Variants in HSPBP1 observed in about 807,000 individuals in gnomAD.
HSPBP1 encodes the protein HSPA (Hsp70) binding protein 1.
A neutral mutation model predicts 41.7 loss-of-function variants in HSPBP1; 31 were observed. The observed-to-expected ratio is 0.74, with a 90% CI of 0.56 to 1.00. The LOEUF (loss-of-function observed/expected upper bound fraction) is 1.00, where lower values mean the gene tolerates loss of function less well. Ranked by LOEUF, HSPBP1 falls within the 50% of genes least tolerant of loss-of-function variation. The pLI is 0.00. For synonymous variants in HSPBP1, 199 were observed against 214.4 expected (o/e 0.93, Z 0.63); for missense variants, 439 against 487.9 (o/e 0.90, Z 0.94).
chr19:55,273,567 G>A (rs764945663), intron 4 of HSPBP1, among the ~76,000 whole-genome samples: 1 of 152,100 alleles, frequency 6.6e-6, no homozygotes, highest in Non-Finnish European at 1.5e-5. Context: ...GTCAACACCT[G>A]GCATGGAGAA....
Position 55,262,483 on chromosome 19 carries a change from G to T in HSPBP1, c.*125C>A. On this transcript the variant is annotated 3_prime_UTR_variant, in exon 8 of 8. Transcript: ENST00000433386. ...CCCCTTCCAGGGACTGCACAGAGAC[G>T]GGCTGGCACACCCTGGGTCCAGGCA... The T allele has an allele frequency of 2.0e-6, 3 of 1,485,250 alleles. No individual in the cohort carries two copies. The highest frequency in any genetic ancestry group is 1.8e-6 in the Non-Finnish European group (2 of 1,114,376). 92.0% of individuals were successfully genotyped at this position (1,485,250 alleles called of 1,614,324 possible). A position where few individuals can be genotyped will look rare whatever the true frequency, so the allele number is the denominator to read the frequency against.
Position 55,265,911 on chromosome 19 carries a change from C to T in HSPBP1, c.868G>A (p.Glu290Lys), listed in dbSNP as rs1026636594. ...LVRTEHSPFH[E>K]HVLGALCSLV... ...CTGCACAGGGCTCCAAGCACGTGCT[C>T]GTGGAAGGGGCTGTGCTCTGTCCGC... Residue 290 changes from glutamate (E) to lysine (K), a missense_variant, in exon 6 of 8, where the codon GAG becomes AAG. Physicochemically the swap from Glu to Lys is moderately conservative, Grantham distance 56. Transcript: ENST00000433386. 8 of 1,607,798 alleles carry T rather than the reference C, an allele frequency of 5.0e-6. No individual in the cohort carries two copies. Among genetic ancestry groups the T allele is most frequent in the East Asian group, 2.2e-5 (1 of 44,714 alleles).
intron 3 of HSPBP1, 54 bp from the exon 4 acceptor site, chr19:55,274,676 C>G: frequency 6.9e-7 from 1 of 1,458,230 alleles, no homozygotes; most frequent in Non-Finnish European, 9.4e-7. Flanking sequence ...TGAACCGTGC[C>G]CCCCAAAATG....
In HSPBP1 at chr19:55,272,121, G is replaced by A. The variant is rs1004499794; in HGVS notation, c.640+2277C>T. ...TCGAACAGATTAAATGTAGAGTTAC[G>A]ATATGACCCAGCAACTCCACTGCTA... is the stretch of plus-strand genomic sequence containing the variant. On this transcript the variant is annotated intron_variant, in intron 4 of 7. Transcript: ENST00000433386. The surrounding 1 kb of genome is among the most constrained non-coding windows in gnomAD (Gnocchi z 4.2). Among the ~76,000 whole-genome samples the A allele has an allele frequency of 1.3e-5, 2 of 151,490 alleles. No individual in the cohort carries two copies. Among genetic ancestry groups the A allele is most frequent in the African/African-American group, 2.4e-5 (1 of 41,276 alleles).
chr19:55,266,359 C>A, intron 4 of HSPBP1, 73 bp from the exon 5 acceptor site: 3 of 1,458,426 alleles, frequency 2.1e-6, no homozygotes, highest in Middle Eastern at 4.1e-4. Flanking sequence ...CCATCACCAA[C>A]ATCATCACAA....
intron 4 of HSPBP1, among the ~76,000 whole-genome samples, chr19:55,274,141 T>C (rs919245152): frequency 1.3e-5 from 2 of 151,720 alleles, no homozygotes; most frequent in Non-Finnish European, 2.9e-5. Flanking sequence ...GAAAAACTGC[T>C]GTGTGCAAAG....
In HSPBP1 at chr19:55,265,406, A is replaced by G. The variant is rs1448155118; in HGVS notation, c.894-17T>C. ...GTCACCAGGCTGTGAGGGACATGAC[A>G]GCGGCCCTTAGGACCTCCCTCTAGA... On this transcript the variant is annotated splice_polypyrimidine_tract_variant and intron_variant, in intron 6 of 7. Transcript: ENST00000433386. The G allele has an allele frequency of 1.9e-6, 3 of 1,604,102 alleles. No homozygotes were observed. Among genetic ancestry groups the G allele is most frequent in the Admixed American group, 1.7e-5 (1 of 59,958 alleles).
At chr19:55,276,142 C>A (rs1328230127) in intron 3 of HSPBP1, among the ~76,000 whole-genome samples, 2 of 146,266 alleles carry the variant, frequency 1.4e-5, no homozygotes, top group East Asian at 2.1e-4. Flanking sequence ...AAAGCTCTGA[C>A]ACACGCCACA....
In HSPBP1 at chr19:55,272,262, C is replaced by T. The variant is rs924430044; in HGVS notation, c.640+2136G>A. 3.9e-5 allele frequency among the ~76,000 whole-genome samples: 6 copies of T among 152,030 alleles called. No individual in the cohort carries two copies. Among genetic ancestry groups the T allele is most frequent in the Non-Finnish European group, 8.8e-5 (6 of 68,022 alleles). The stretch of plus-strand genomic sequence containing the variant: ...AAACCAGGGACTGTCAGCAGACAGG[C>T]GGAGGAAGAGGCAGGGCACGGTGGA... On this transcript the variant is annotated intron_variant, in intron 4 of 7. Transcript: ENST00000433386. The surrounding 1 kb of genome is among the most constrained non-coding windows in gnomAD (Gnocchi z 4.2).
chr19:55,263,894 T>TA (rs978961609), intron 7 of HSPBP1, among the ~76,000 whole-genome samples: 4 of 151,980 alleles, frequency 2.6e-5, no homozygotes, highest in African/African-American at 9.7e-5. Context: ...AAAGCATTAG[T>TA]AAAATCTGTT....
At chr19:55,265,190 C>G in intron 7 of HSPBP1, 88 bp downstream of exon 7, 1 of 755,100 alleles carries the variant, frequency 1.3e-6, no homozygotes, top group South Asian at 1.7e-5. Flanking sequence ...GAACCCCATC[C>G]CCTCCCCACA....
At position 55,262,570 on chromosome 19, in the gene HSPBP1, G is replaced by A; in HGVS notation, c.*38C>T. 18 of 1,609,996 alleles carry A rather than the reference G, an allele frequency of 1.1e-5. No individual in the cohort carries two copies. Among genetic ancestry groups the A allele is most frequent in the Non-Finnish European group, 1.5e-5 (18 of 1,178,098 alleles). On this transcript the variant is annotated 3_prime_UTR_variant, in exon 8 of 8. Coordinates refer to ENST00000433386, the MANE Select transcript of HSPBP1 (RefSeq NM_012267.5). Reference sequence around the variant, plus strand: ...GGTGGGGAGGGAGGCAAGAGGCCTGGGGTTCCCACGGAGAAGGGGGCAAGA... The same window carrying A: ...GGTGGGGAGGGAGGCAAGAGGCCTGAGGTTCCCACGGAGAAGGGGGCAAGA...
intron 3 of HSPBP1, among the ~76,000 whole-genome samples, chr19:55,277,199 G>A (rs2088096539): frequency 6.6e-6 from 1 of 152,230 alleles, no homozygotes; most frequent in African/African-American, 2.4e-5. Flanking sequence ...TCAAGGGCCT[G>A]GCTGCTGTTC....
chr19:55,275,612 T>C lies in HSPBP1; in HGVS notation c.416-990A>G, dbSNP rs909910992. ...GAGTTCGAGACCAGCCCAGGTAACA[T>C]AGCAAAACAGGGTTTTTGCTATGTT... On this transcript the variant is annotated intron_variant, in intron 3 of 7. Transcript: ENST00000433386. 4.0e-5 allele frequency among the ~76,000 whole-genome samples: 6 copies of C among 151,542 alleles called. No individual in the cohort carries two copies. In the East Asian group the frequency reaches 5.8e-4, roughly 15 times the overall value.
At chr19:55,263,462 A>T (rs998548182) in intron 7 of HSPBP1, among the ~76,000 whole-genome samples, 1 of 152,196 alleles carries the variant, frequency 6.6e-6, no homozygotes, top group African/African-American at 2.4e-5. Flanking sequence ...CACCTTTAAC[A>T]TACCTGACCC....
intron 4 of HSPBP1, among the ~76,000 whole-genome samples, chr19:55,271,895 C>T (rs1168250276): frequency 6.6e-6 from 1 of 151,994 alleles, no homozygotes. Context: ...TCTCTCTGTA[C>T]TAAAAGTACA....
intron 4 of HSPBP1, among the ~76,000 whole-genome samples, chr19:55,271,787 C>T (rs953622365): frequency 1.3e-5 from 2 of 152,222 alleles, no homozygotes; most frequent in African/African-American, 4.8e-5. Context: ...AGGCCAGGCA[C>T]AGTGGCTCAT....
At position 55,274,532 on chromosome 19, in the gene HSPBP1, A is replaced by G; in HGVS notation, c.506T>C (p.Ile169Thr). ...TGCCACGTTCTGACTGCACGTGCCG[A>G]TGAGCTGTGCCGCCCGCCACCGCAG... ...AGLRWRAAQL[I>T]GTCSQNVAAI... The change falls in exon 4 of 8, where the codon ATC becomes ACC. Residue 169 changes from isoleucine to threonine, a missense_variant. Coordinates refer to ENST00000433386, the MANE Select transcript of HSPBP1 (RefSeq NM_012267.5). 1 of 1,608,514 alleles carries G rather than the reference A, an allele frequency of 6.2e-7. No homozygotes were observed.
At chr19:55,265,237 T>C (rs199780503) in intron 7 of HSPBP1, 41 bp downstream of exon 7, 138 of 1,034,904 alleles carry the variant, frequency 1.3e-4, no homozygotes, top group Non-Finnish European at 1.8e-4. Context: ...CCCTCCCCCT[T>C]GCACCTGGTC....
Sources: gnomAD v4.1 joint callset for allele counts (sites outside exome capture counted in the v4.1 genomes callset) on GRCh38, gnomAD v4.1.1 for gene constraint, Gnocchi (gnomAD v3.1) non-coding constraint, MANE v1.5 for transcripts, NCBI Gene and HGNC (gene_info 2026-07-23, HGNC 2026-07-21) for gene names.